The following LIPK variants were observed in gnomAD, a reference collection of about 807,000 sequenced individuals.
The protein encoded by LIPK is lipase member K.
LIPK carries 32 observed loss-of-function variants against 48.6 expected under a neutral mutation model. The ratio of observed to expected loss-of-function variants is 0.66; its 90% CI spans 0.50 to 0.88. LIPK has a LOEUF of 0.88. Ranked by LOEUF, LIPK falls within the 40% of genes least tolerant of loss-of-function variation. LIPK has a pLI of 0.00. For missense variants in LIPK, 507 were observed against 478.5 expected (o/e 1.06, Z -0.56); for synonymous variants, 164 against 157.4 (o/e 1.04, Z -0.32).
intron 6 of LIPK, among the ~76,000 whole-genome samples, chr10:88,732,779 G>C (rs1339532532): frequency 6.6e-6 from 1 of 152,220 alleles, no homozygotes; most frequent in African/African-American, 2.4e-5. Flanking sequence ...AAACGTGTCT[G>C]CTGCGCCATT....
intron 1 of LIPK, among the ~76,000 whole-genome samples, chr10:88,706,595 A>G (rs1004212930): frequency 6.6e-6 from 1 of 152,168 alleles, no homozygotes; most frequent in African/African-American, 2.4e-5. Flanking sequence ...TCACAAGTCT[A>G]CACTTGGAAA....
chr10:88,706,799 A>C (rs1841943729), intron 1 of LIPK, among the ~76,000 whole-genome samples: 1 of 152,182 alleles, frequency 6.6e-6, no homozygotes, highest in African/African-American at 2.4e-5. Flanking sequence ...TATGAAGCAA[A>C]GTGACTGTCA....
chr10:88,708,932 T>A (rs1841980476), intron 1 of LIPK, among the ~76,000 whole-genome samples: 1 of 152,178 alleles, frequency 6.6e-6, no homozygotes, highest in Non-Finnish European at 1.5e-5. Flanking sequence ...GACCATAAGG[T>A]TGCATTTTGT....
At chr10:88,706,645 T>A (rs371822454) in intron 1 of LIPK, among the ~76,000 whole-genome samples, 33 of 152,270 alleles carry the variant, frequency 2.2e-4, no homozygotes, top group African/African-American at 7.7e-4. Context: ...CTCTTTTGAG[T>A]CTTGCATCTA....
At chr10:88,725,383 T>C (rs1842317104) in intron 2 of LIPK, among the ~76,000 whole-genome samples, 1 of 152,214 alleles carries the variant, frequency 6.6e-6, no homozygotes, top group African/African-American at 2.4e-5. Context: ...CCTTCTATAA[T>C]GATAAGAACA....
intron 9 of LIPK, among the ~76,000 whole-genome samples, chr10:88,745,967 AG>A (rs1178431658): frequency 1.3e-5 from 2 of 152,226 alleles, no homozygotes; most frequent in East Asian, 3.8e-4. Flanking sequence ...AAAAAAGACC[AG>A]GGGTTGCTAT....
chr10:88,732,063 A>C (rs1399509760), intron 4 of LIPK, 115 bp from the exon 5 acceptor site: 1 of 646,622 alleles, frequency 1.5e-6, no homozygotes, highest in Non-Finnish European at 2.7e-6. Flanking sequence ...ATATATCGAC[A>C]CTAGTCTTAT....
chr10:88,711,804 GA>G (rs1476323738), intron 1 of LIPK, among the ~76,000 whole-genome samples: 3 of 152,062 alleles, frequency 2.0e-5, no homozygotes, highest in East Asian at 3.9e-4. Flanking sequence ...TTGAAGAACA[GA>G]AGTTTTTTAT....
chr10:88,709,326 G>C (rs919685050), intron 1 of LIPK, among the ~76,000 whole-genome samples: 1 of 152,142 alleles, frequency 6.6e-6, no homozygotes, highest in Non-Finnish European at 1.5e-5. Context: ...GGATACATGT[G>C]CAGAATGTGT....
chr10:88,714,782 T>A (rs1232698260), intron 1 of LIPK, among the ~76,000 whole-genome samples: 1 of 152,080 alleles, frequency 6.6e-6, no homozygotes, highest in Non-Finnish European at 1.5e-5. Context: ...ATTAGTTTTG[T>A]TAGGGTTACT....
In LIPK at chr10:88,723,772, A is replaced by T. The variant is rs564630110; in HGVS notation, c.-11-761A>T. On this transcript the variant is annotated intron_variant, in intron 1 of 9. Coordinates refer to ENST00000404190, the MANE Select transcript of LIPK (RefSeq NM_001080518.2). Reference sequence around the variant, plus strand: ...TAACTATAATTAAAATTTGATGTTTAGGTTTTTTTTTTCTATTATGGTTTG... The same window carrying T: ...TAACTATAATTAAAATTTGATGTTTTGGTTTTTTTTTTCTATTATGGTTTG... 7.2e-5 allele frequency among the ~76,000 whole-genome samples: 11 copies of T among 152,164 alleles called. No individual in the cohort carries two copies. In the East Asian group the frequency reaches 2.1e-3, roughly 29 times the overall value.
chr10:88,729,553 A>G (rs1842423383), intron 3 of LIPK, among the ~76,000 whole-genome samples: 1 of 152,174 alleles, frequency 6.6e-6, no homozygotes, highest in Non-Finnish European at 1.5e-5. Context: ...CATTTCTATC[A>G]CGTAGCTGCC....
intron 1 of LIPK, among the ~76,000 whole-genome samples, chr10:88,722,882 C>CTTTT (rs1262882913): frequency 4.3e-5 from 2 of 46,028 alleles, no homozygotes; most frequent in East Asian, 2.5e-3. Context: ...TTCTTCTTTT[C>CTTTT]TTTTTTCTTT....
At chr10:88,734,396 C>T (rs1234040011) in intron 6 of LIPK, among the ~76,000 whole-genome samples, 1 of 152,038 alleles carries the variant, frequency 6.6e-6, no homozygotes, top group African/African-American at 2.4e-5. Context: ...ACTCACTTTA[C>T]TGGAGATTTA....
Position 88,752,538 on chromosome 10 carries a change from A to G in LIPK, c.982A>G (p.Ile328Val). 6.4e-7 allele frequency: 1 copy of G among 1,555,108 alleles called. No homozygotes were observed. The highest frequency in any genetic ancestry group is 8.7e-7 in the Non-Finnish European group (1 of 1,144,982). Residue 328 changes from isoleucine to valine, a missense_variant, in exon 10 of 10, where the codon ATT becomes GTT. Transcript: ENST00000404190. ...FHQLTPPLYN[I>V]TKMEVPTAIW... Reference sequence around the variant, plus strand: ...TTAGCTTACACCTCCTTTATACAACATTACTAAGATGGAAGTTCCAACAGC... The same window carrying G: ...TTAGCTTACACCTCCTTTATACAACGTTACTAAGATGGAAGTTCCAACAGC...
At chr10:88,711,485 T>C (rs1349688351) in intron 1 of LIPK, among the ~76,000 whole-genome samples, 1 of 152,188 alleles carries the variant, frequency 6.6e-6, no homozygotes, top group Non-Finnish European at 1.5e-5. Context: ...TCTTTTCCTT[T>C]GCTTTTTGAG....
At chr10:88,738,022 G>C (rs1195195499) in intron 7 of LIPK, among the ~76,000 whole-genome samples, 1 of 152,206 alleles carries the variant, frequency 6.6e-6, no homozygotes. Flanking sequence ...CCTTCGCTTA[G>C]ATAAAGGCTA....
chr10:88,719,064 G>T (rs984383170), intron 1 of LIPK, among the ~76,000 whole-genome samples: 1 of 152,108 alleles, frequency 6.6e-6, no homozygotes, highest in Non-Finnish European at 1.5e-5. Flanking sequence ...TGTGGTTCTT[G>T]TCCTTAAGAA....
chr10:88,750,763 T>A (rs538714500), intron 9 of LIPK, among the ~76,000 whole-genome samples: 1 of 152,180 alleles, frequency 6.6e-6, no homozygotes, highest in South Asian at 2.1e-4. Flanking sequence ...TGCAATTTAC[T>A]TATGTGGCAA....
Sources: gnomAD v4.1 joint callset for allele counts (sites outside exome capture counted in the v4.1 genomes callset) on GRCh38, gnomAD v4.1.1 for gene constraint, MANE v1.5 for transcripts, NCBI Gene and HGNC (gene_info 2026-07-23, HGNC 2026-07-21) for gene names.